Variants in STX3 observed in about 807,000 individuals in gnomAD.
STX3 encodes the protein syntaxin-3.
STX3 carries 19 observed loss-of-function variants against 40.2 expected under a neutral mutation model. The observed-to-expected ratio is 0.47, with a 90% CI of 0.33 to 0.69. STX3 has a LOEUF of 0.69. Among genes scored for constraint, STX3 ranks in the 30% least tolerant of loss-of-function variants. STX3 has a pLI of 0.02. For missense variants in STX3, 364 were observed against 366.7 expected (o/e 0.99, Z 0.06); for synonymous variants, 122 against 132.2 (o/e 0.92, Z 0.53).
In STX3 at chr11:59,792,177, A is replaced by G. The variant is rs1865219273; in HGVS notation, c.428A>G (p.Glu143Gly). Reference protein sequence around the residue: ...KYNEAQVDFRERSKGRIQRQL... With the variant: ...KYNEAQVDFRGRSKGRIQRQL... ...AATGAAGCTCAAGTGGACTTCCGAG[A>G]ACGCAGCAAAGGGCGAATCCAGCGG... Residue 143 changes from glutamate to glycine, a missense_variant, in exon 6 of 11, where the codon GAA becomes GGA. Transcript: ENST00000337979. 6.2e-7 allele frequency: 1 copy of G among 1,613,968 alleles called. No homozygotes were observed. The highest frequency in any genetic ancestry group is 1.3e-5 in the African/African-American group (1 of 74,916).
At chr11:59,798,011 CTCAG>C (rs1295385401) in intron 10 of STX3, among the ~76,000 whole-genome samples, 1 of 152,202 alleles carries the variant, frequency 6.6e-6, no homozygotes, top group Non-Finnish European at 1.5e-5. Context: ...GACAAAGAAA[CTCAG>C]TCAAAGAGAA....
rs1292672173 is a variant in STX3, at chr11:59,790,564, A to G, written c.335A>G (p.Asp112Gly). 1 of 1,614,000 alleles carries G rather than the reference A, an allele frequency of 6.2e-7. No individual in the cohort carries two copies. Among genetic ancestry groups the G allele is most frequent in the Non-Finnish European group, 8.5e-7 (1 of 1,179,934 alleles). The change falls in exon 5 of 11, where the codon GAC becomes GGC. Residue 112 changes from aspartate to glycine, a missense_variant. By Grantham distance (94) the Asp-to-Gly change is moderately conservative. Coordinates refer to ENST00000337979, the MANE Select transcript of STX3 (RefSeq NM_004177.5). ...GAAGATGAGGTCAGGTCATCGGCAG[A>G]CCTTCGGATTCGGAAATCCCAGGTA... The part of the protein sequence containing the change: ...IEEDEVRSSA[D>G]LRIRKSQHSV...
chr11:59,759,129 G>A (rs1247313473), intron 1 of STX3, among the ~76,000 whole-genome samples: 1 of 152,150 alleles, frequency 6.6e-6, no homozygotes. Flanking sequence ...AAGGTGGTTG[G>A]AGATACATAA....
chr11:59,776,904 G>T (rs1863996061), intron 2 of STX3, among the ~76,000 whole-genome samples: 1 of 152,148 alleles, frequency 6.6e-6, no homozygotes, highest in Non-Finnish European at 1.5e-5. Context: ...TGGTTTGTTT[G>T]CTCAGTTGGC....
At chr11:59,771,402 C>CG (rs1863626921) in intron 1 of STX3, among the ~76,000 whole-genome samples, 1 of 119,412 alleles carries the variant, frequency 8.4e-6, no homozygotes, top group African/African-American at 3.8e-5. Flanking sequence ...GTCCCCCCAC[C>CG]TCCCCCCCCC....
Position 59,797,350 on chromosome 11 carries a change from C to A in STX3, c.854C>A (p.Ser285Tyr). 1 of 1,614,034 alleles carries A rather than the reference C, an allele frequency of 6.2e-7. No homozygotes were observed. Reference protein sequence around the residue: ...LGILALIIGLSVGLN With the variant: ...LGILALIIGLYVGLN ...ATTTTAGCATTGATTATTGGACTTT[C>A]CGTTGGGCTGAATTAAGAGTGGCCT... The change falls in exon 10 of 11, where the codon TCC becomes TAC. Residue 285 changes from serine (S) to tyrosine (Y), a missense_variant. Transcript: ENST00000337979.
intron 2 of STX3, chr11:59,781,235 A>G (rs1038975053): frequency 3.1e-6 from 3 of 975,276 alleles, no homozygotes; most frequent in Non-Finnish European, 4.7e-6. Flanking sequence ...AAAGAAAGAA[A>G]CAGTATGGAG....
At chr11:59,788,809 T>A in intron 3 of STX3, 64 bp from the exon 4 acceptor site, 2 of 1,407,782 alleles carry the variant, frequency 1.4e-6, no homozygotes, top group Admixed American at 3.7e-5. Context: ...TGATGATTGC[T>A]GTAGTTCACA....
At chr11:59,777,568 G>A (rs79630555) in intron 2 of STX3, among the ~76,000 whole-genome samples, 7,332 of 152,212 alleles carry the variant, frequency 0.048, 372 homozygotes, top group African/African-American at 0.12. Context: ...ATCATTTAGG[G>A]ATGCTTTTGA....
chr11:59,800,585 C>T, intron 10 of STX3: 2 of 985,428 alleles, frequency 2.0e-6, no homozygotes, highest in African/African-American at 3.5e-5. Context: ...GGGATTGTCC[C>T]TTCCCACCAC....
At chr11:59,793,579 G>T in intron 8 of STX3, 65 bp downstream of exon 8, 1 of 1,547,256 alleles carries the variant, frequency 6.5e-7, no homozygotes, top group Non-Finnish European at 8.8e-7. Context: ...ACTGAGAACA[G>T]GGAGAAAGGG....
chr11:59,766,741 C>T (rs1863303432), intron 1 of STX3, among the ~76,000 whole-genome samples: 1 of 152,224 alleles, frequency 6.6e-6, no homozygotes, highest in Middle Eastern at 3.2e-3. Flanking sequence ...TGACAGGCTG[C>T]CCTGAGCAGC....
At chr11:59,764,989 C>T (rs1863214296) in intron 1 of STX3, among the ~76,000 whole-genome samples, 1 of 151,858 alleles carries the variant, frequency 6.6e-6, no homozygotes, top group Non-Finnish European at 1.5e-5. Flanking sequence ...CACTGGCTCA[C>T]TGGCCTTGGG....
chr11:59,801,955 G>A lies in STX3; in HGVS notation c.*1131G>A, dbSNP rs1441246904. 1 of 985,354 alleles carries A rather than the reference G, an allele frequency of 1.0e-6. No individual in the cohort carries two copies. The highest frequency in any genetic ancestry group is 1.7e-5 in the African/African-American group (1 of 57,248). The allele number at this position is 985,354 out of a possible 1,614,324, so 61.0% of individuals were successfully genotyped here. On this transcript the variant is annotated 3_prime_UTR_variant, in exon 11 of 11. Coordinates refer to ENST00000337979, the MANE Select transcript of STX3 (RefSeq NM_004177.5). ...CTTGTTTTCTGGATGAATACTGGGA[G>A]AATAAAATGAGAACTCTGGAGTGAG...
intron 10 of STX3, among the ~76,000 whole-genome samples, chr11:59,798,293 C>T (rs1017929109): frequency 4.6e-5 from 7 of 151,834 alleles, no homozygotes; most frequent in East Asian, 1.9e-4. Context: ...CTGCAACCTC[C>T]GCCTCCTGGA....
At chr11:59,764,026 A>T (rs538519694) in intron 1 of STX3, among the ~76,000 whole-genome samples, 6 of 152,188 alleles carry the variant, frequency 3.9e-5, no homozygotes, top group Non-Finnish European at 7.3e-5. Flanking sequence ...CTCAAAAAAA[A>T]AAAAATAAAA....
rs190863940 is a variant in STX3, at chr11:59,756,363, T to G, written c.30+728T>G. The stretch of plus-strand genomic sequence containing the variant: ...GAGGATCAGCTGATACAATGGAACT[T>G]GATACAGAAAAGGGTTAACGCATAG... On this transcript the variant is annotated intron_variant, in intron 1 of 10. Coordinates refer to ENST00000337979, the MANE Select transcript of STX3 (RefSeq NM_004177.5). Among the ~76,000 whole-genome samples the G allele has an allele frequency of 9.8e-5, 15 of 152,312 alleles. No individual in the cohort carries two copies. The East Asian group carries it at 2.9e-3, about 29-fold the overall frequency.
chr11:59,790,763 G>T (rs1865092726), intron 5 of STX3, among the ~76,000 whole-genome samples, 177 bp downstream of exon 5: 1 of 151,958 alleles, frequency 6.6e-6, no homozygotes, highest in African/African-American at 2.4e-5. Context: ...AGCCCTTTTG[G>T]CTCCTCTCCT....
Position 59,800,852 on chromosome 11 carries a change from T to G in STX3, c.*31-3T>G. The stretch of plus-strand genomic sequence containing the variant: ...ATCAGCTCCTCCTTTCCCTGCCTCC[T>G]AGAAACTGATTTCACTCCAGACTGG... On this transcript the variant is annotated splice_polypyrimidine_tract_variant and splice_region_variant and intron_variant, in intron 10 of 10. Transcript: ENST00000337979. 2.0e-6 allele frequency: 3 copies of G among 1,536,398 alleles called. No individual in the cohort carries two copies. The highest frequency in any genetic ancestry group is 2.6e-6 in the Non-Finnish European group (3 of 1,146,880).
Sources: gnomAD v4.1 joint callset for allele counts (sites outside exome capture counted in the v4.1 genomes callset) on GRCh38, gnomAD v4.1.1 for gene constraint, MANE v1.5 for transcripts, NCBI Gene and HGNC (gene_info 2026-07-23, HGNC 2026-07-21) for gene names.